Variants in NQO1 observed in about 807,000 individuals in gnomAD.
NQO1 encodes the protein NAD(P)H quinone dehydrogenase 1.
Under a neutral mutation model 32.1 loss-of-function variants are expected in NQO1, and 30 were observed. The ratio of observed to expected loss-of-function variants is 0.94; its 90% CI spans 0.70 to 1.27. The LOEUF (loss-of-function observed/expected upper bound fraction) is 1.27, where lower values mean the gene tolerates loss of function less well. Ranked by LOEUF, NQO1 falls within the 50% of genes most tolerant of loss-of-function variation. The pLI is 0.00. For synonymous variants in NQO1, 109 were observed against 119.7 expected (o/e 0.91, Z 0.59); for missense variants, 276 against 331.3 (o/e 0.83, Z 1.30).
intron 1 of NQO1, among the ~76,000 whole-genome samples, chr16:69,720,638 C>G (rs2038176982): frequency 6.6e-6 from 1 of 151,410 alleles, no homozygotes; most frequent in Non-Finnish European, 1.5e-5. Flanking sequence ...TCAAGCGATT[C>G]TCCTGCCTCA....
chr16:69,711,054 G>C lies in NQO1; in HGVS notation c.747C>G (p.Asn249Lys). 3 of 1,614,170 alleles carry C rather than the reference G, an allele frequency of 1.9e-6. No individual in the cohort carries two copies. The highest frequency in any genetic ancestry group is 2.5e-6 in the Non-Finnish European group (3 of 1,180,024). Residue 249 changes from asparagine to lysine, a missense_variant, in exon 6 of 6, where the codon AAC becomes AAG. Transcript: ENST00000320623. Reference protein sequence around the residue: ...MKKEVQDEEKNKKFGLSVGHH... With the variant: ...MKKEVQDEEKKKKFGLSVGHH... ...GGCCCACAGAAAGGCCAAATTTCTT[G>C]TTTTTCTCCTCATCCTGTACCTCTT...
At position 69,711,169 on chromosome 16, in the gene NQO1, C is replaced by A. The variant is rs1319831679; in HGVS notation, c.632G>T (p.Arg211Leu). The A allele has an allele frequency of 6.2e-7, 1 of 1,614,156 alleles. No individual in the cohort carries two copies. The highest frequency in any genetic ancestry group is 1.1e-5 in the South Asian group (1 of 91,084). Residue 211 changes from arginine to leucine, a missense_variant, in exon 6 of 6, where the codon CGC becomes CTC. Transcript: ENST00000320623. The stretch of plus-strand genomic sequence containing the variant: ...TGTCTCATCCCAAATATTCTCCAGG[C>A]GTTTCTTCCATCCTTCCAGGATTTG... ...RIQILEGWKK[R>L]LENIWDETPL...
At chr16:69,721,308 G>A (rs539551508) in intron 1 of NQO1, among the ~76,000 whole-genome samples, 15 of 152,290 alleles carry the variant, frequency 9.8e-5, no homozygotes, top group Admixed American at 2.0e-4. Context: ...GTGATTAGGC[G>A]AGGGGGTCTC....
At chr16:69,716,138 C>A (rs377420252) in intron 3 of NQO1, among the ~76,000 whole-genome samples, 2 of 151,428 alleles carry the variant, frequency 1.3e-5, no homozygotes, top group African/African-American at 4.8e-5. Flanking sequence ...TGTATTCCAG[C>A]CTGGGTGACA....
Position 69,726,418 on chromosome 16 carries a change from C to T in NQO1, c.7+15G>A, listed in dbSNP as rs374261865. The T allele has an allele frequency of 6.2e-7, 1 of 1,611,804 alleles. No homozygotes were observed. The highest frequency in any genetic ancestry group is 1.3e-5 in the African/African-American group (1 of 74,892). ...AGAGACGACCGCCAAGCACCCCGCC[C>T]TTTGCAGCACTCACCGACCATGGCT... On this transcript the variant is annotated intron_variant, in intron 1 of 5. Transcript: ENST00000320623.
intron 4 of NQO1, among the ~76,000 whole-genome samples, chr16:69,714,620 C>T (rs779750399): frequency 1.3e-5 from 2 of 151,430 alleles, no homozygotes; most frequent in Non-Finnish European, 2.9e-5. Flanking sequence ...TGGCTCACAC[C>T]GGTAATCACA....
intron 4 of NQO1, among the ~76,000 whole-genome samples, chr16:69,714,168 T>A (rs1022525734): frequency 1.7e-4 from 24 of 144,262 alleles, no homozygotes; most frequent in African/African-American, 6.2e-4. Flanking sequence ...TGAGCCACCG[T>A]GCTTGGCCTT....
chr16:69,709,724 A>G lies in NQO1; in HGVS notation c.*1252T>C, dbSNP rs1194924100. 1 of 398,402 alleles carries G rather than the reference A, an allele frequency of 2.5e-6. No individual in the cohort carries two copies. The highest frequency in any genetic ancestry group is 4.4e-6 in the Non-Finnish European group (1 of 226,024). The allele number at this position is 398,402 out of a possible 1,614,324, so 24.7% of individuals were successfully genotyped here. ...TTTTATCATATTCTCCTTGAATTAT[A>G]TAATACCAACAGTGGAATGAGATGA... On this transcript the variant is annotated 3_prime_UTR_variant, in exon 6 of 6. Coordinates refer to ENST00000320623, the MANE Select transcript of NQO1 (RefSeq NM_000903.3).
intron 5 of NQO1, among the ~76,000 whole-genome samples, chr16:69,711,787 G>A (rs926487056): frequency 3.3e-5 from 5 of 151,720 alleles, no homozygotes; most frequent in African/African-American, 9.7e-5. Context: ...CCGAGTAGCT[G>A]GGATTACAGG....
intron 4 of NQO1, 100 bp from the exon 5 acceptor site, chr16:69,713,229 G>C: frequency 3.4e-6 from 3 of 884,398 alleles, no homozygotes; most frequent in South Asian, 2.9e-5. Context: ...ACACAAGTCT[G>C]TCCTATTTGC....
chr16:69,709,465 G>GCA lies in NQO1; in HGVS notation c.*1509_*1510dup. ...ATCTTTGAGAAATTTACACAAAATT[G>GCA]CAGTGAAGATGAAGGCAACAAAATA... On this transcript the variant is annotated 3_prime_UTR_variant, in exon 6 of 6. Transcript: ENST00000320623. 2 of 276,312 alleles carry GCA rather than the reference G, an allele frequency of 7.2e-6. No homozygotes were observed. Among genetic ancestry groups the GCA allele is most frequent in the East Asian group, 1.2e-4 (2 of 16,198 alleles). The allele number at this position is 276,312 out of a possible 1,614,324, so 17.1% of individuals were successfully genotyped here. A position where few individuals can be genotyped will look rare whatever the true frequency, so the allele number is the denominator to read the frequency against.
intron 1 of NQO1, among the ~76,000 whole-genome samples, chr16:69,723,003 C>G (rs1478097272): frequency 6.6e-6 from 1 of 152,178 alleles, no homozygotes; most frequent in Non-Finnish European, 1.5e-5. Flanking sequence ...TCTCGGCTCA[C>G]TGCAAGCTCC....
In NQO1 at chr16:69,709,541, C is replaced by T; in HGVS notation, c.*1435G>A. 2.6e-6 allele frequency: 1 copy of T among 383,450 alleles called. No individual in the cohort carries two copies. Among genetic ancestry groups the T allele is most frequent in the Non-Finnish European group, 4.6e-6 (1 of 216,940 alleles). 23.8% of individuals were successfully genotyped at this position (383,450 alleles called of 1,614,324 possible). On this transcript the variant is annotated 3_prime_UTR_variant, in exon 6 of 6. Transcript: ENST00000320623. ...CAGCTATTGTGGATACTGTCGAGAG[C>T]AAAAACCACCAGTGCCAGTCAGCAT...
At chr16:69,722,413 G>A (rs1370694665) in intron 1 of NQO1, among the ~76,000 whole-genome samples, 2 of 151,992 alleles carry the variant, frequency 1.3e-5, no homozygotes, top group Admixed American at 6.6e-5. Flanking sequence ...ACCTGCCTTG[G>A]CCTCCCAAAG....
intron 3 of NQO1, among the ~76,000 whole-genome samples, chr16:69,716,003 C>T (rs373291667): frequency 6.6e-6 from 1 of 150,886 alleles, no homozygotes; most frequent in South Asian, 2.1e-4. Flanking sequence ...TTTGTCTCTA[C>T]AAAAAAATTT....
chr16:69,725,717 T>C (rs534486787), intron 1 of NQO1, among the ~76,000 whole-genome samples: 4 of 152,242 alleles, frequency 2.6e-5, no homozygotes, highest in African/African-American at 7.2e-5. Context: ...GTACTAAAAA[T>C]ATAAAAATTA....
chr16:69,715,343 G>A (rs1217955836), intron 3 of NQO1, among the ~76,000 whole-genome samples: 2 of 152,242 alleles, frequency 1.3e-5, no homozygotes, highest in African/African-American at 4.8e-5. Context: ...TTGTTGATAT[G>A]AAACTTGTTT....
At chr16:69,720,379 T>A (rs1359402402) in intron 1 of NQO1, among the ~76,000 whole-genome samples, 1 of 151,958 alleles carries the variant, frequency 6.6e-6, no homozygotes, top group East Asian at 1.9e-4. Flanking sequence ...TGAACCCATT[T>A]TTATTTAAAA....
chr16:69,716,722 G>C (rs1194714116), intron 3 of NQO1, among the ~76,000 whole-genome samples: 1 of 151,846 alleles, frequency 6.6e-6, no homozygotes, highest in Non-Finnish European at 1.5e-5. Context: ...GGTCCAGGCA[G>C]GCAGATCACT....
Sources: gnomAD v4.1 joint callset for allele counts (sites outside exome capture counted in the v4.1 genomes callset) on GRCh38, gnomAD v4.1.1 for gene constraint, MANE v1.5 for transcripts, NCBI Gene and HGNC (gene_info 2026-07-23, HGNC 2026-07-21) for gene names.